ZNF337: variants seen among roughly 807,000 people sequenced by gnomAD.
ZNF337 encodes the protein zinc finger protein 337.
A neutral mutation model predicts 12.1 loss-of-function variants in ZNF337; 8 were observed. The observed-to-expected ratio is 0.66, with a 90% CI of 0.39 to 1.19. The LOEUF is 1.19. ZNF337 is among the 50% of genes most tolerant of loss of function. The probability of loss-of-function intolerance (pLI) is 0.01; values close to 1 mark genes in which losing one functional copy is unlikely to be tolerated. For synonymous variants in ZNF337, 336 were observed against 320.0 expected (o/e 1.05, Z -0.53); for missense variants, 882 against 896.6 (o/e 0.98, Z 0.21).
chr20:25,676,318 C>G lies in ZNF337; in HGVS notation c.970G>C (p.Glu324Gln), dbSNP rs148965153. 6.1e-5 allele frequency: 98 copies of G among 1,614,106 alleles called. No individual in the cohort carries two copies. Among genetic ancestry groups the G allele is most frequent in the South Asian group, 2.4e-4 (22 of 91,082 alleles). Residue 324 changes from glutamate (E) to glutamine (Q), a missense_variant, in exon 5 of 5, where the codon GAG becomes CAG. Glu to Gln is a conservative substitution (Grantham distance 29). Coordinates refer to ENST00000252979, the MANE Select transcript of ZNF337 (RefSeq NM_015655.4). ...TTATTAGTATAGCCTCGCCCACACT[C>G]CTTGCACACAAAAGGCTTCTCCCCT... ...HSGEKPFVCK[E>Q]CGRGYTNKSY...
chr20:25,693,608 C>T (rs1244887365), intron 1 of ZNF337, among the ~76,000 whole-genome samples: 2 of 152,164 alleles, frequency 1.3e-5, no homozygotes, highest in Non-Finnish European at 2.9e-5. Flanking sequence ...AATGTAGGGA[C>T]AATGATGGAA....
At position 25,675,695 on chromosome 20, in the gene ZNF337, G is replaced by A. The variant is rs568859648; in HGVS notation, c.1593C>T (p.Leu531=). 29 of 1,613,752 alleles carry A rather than the reference G, an allele frequency of 1.8e-5. No individual in the cohort carries two copies. In the African/African-American group the frequency reaches 2.9e-4, roughly 16 times the overall value. Residue 531 remains leucine, a synonymous_variant, in exon 5 of 5, where the codon CTC becomes CTT. Transcript: ENST00000252979. ...CTGAGTGTGTCCTCTGATGTATGGT[G>A]AGATTTGGCTTCAAGGTAAAGCCTC... ...CGRGFTLKPN[L]TIHQRTHSGE... is the part of the protein sequence containing the mutation.
At chr20:25,683,128 G>A (rs768126928) in intron 4 of ZNF337, among the ~76,000 whole-genome samples, 3 of 152,088 alleles carry the variant, frequency 2.0e-5, no homozygotes, top group Non-Finnish European at 4.4e-5. Context: ...TGAGGAGTGA[G>A]GAAAGCCAGT....
At chr20:25,695,260 G>C (rs2065911483) in intron 1 of ZNF337, among the ~76,000 whole-genome samples, 1 of 151,974 alleles carries the variant, frequency 6.6e-6, no homozygotes, top group Non-Finnish European at 1.5e-5. Context: ...GACAGAGCAA[G>C]ACTCTCTCTA....
intron 1 of ZNF337, among the ~76,000 whole-genome samples, chr20:25,696,030 G>A (rs1190450433): frequency 6.7e-6 from 1 of 149,654 alleles, no homozygotes; most frequent in Admixed American, 6.7e-5. Context: ...CCCCAGGGAA[G>A]AGGCCACCTG....
intron 4 of ZNF337, chr20:25,677,268 G>A: frequency 2.3e-6 from 1 of 439,760 alleles, no homozygotes; most frequent in East Asian, 3.5e-5. Context: ...CAAGGACACA[G>A]CAAAAACAGA....
Position 25,675,249 on chromosome 20 carries a change from G to C in ZNF337, c.2039C>G (p.Ser680Ter). ...CTGGCAAACAAAAGGCTTCTCCTTT[G>C]AGTGTATCCGCCAGTGGTGTCTGGT... is the stretch of plus-strand genomic sequence containing the variant. The part of the protein sequence containing the change: ...SLTRHHWRIH[S>*]KEKPFVCQEC... The change falls in exon 5 of 5, where the codon TCA (serine) becomes TGA (stop). Residue 680 changes from serine to a stop codon, truncating the protein, a stop_gained. Coordinates refer to ENST00000252979, the MANE Select transcript of ZNF337 (RefSeq NM_015655.4). LOFTEE classifies it low-confidence loss of function (END_TRUNC). 6.2e-7 allele frequency: 1 copy of C among 1,614,172 alleles called. No individual in the cohort carries two copies. Among genetic ancestry groups the C allele is most frequent in the South Asian group, 1.1e-5 (1 of 91,082 alleles).
intron 1 of ZNF337, among the ~76,000 whole-genome samples, chr20:25,691,211 G>C (rs2065880044): frequency 6.6e-6 from 1 of 152,166 alleles, no homozygotes; most frequent in Non-Finnish European, 1.5e-5. Flanking sequence ...CGGCAGATGA[G>C]CAGGCAGAAG....
At chr20:25,689,577 T>C (rs2065867482) in intron 1 of ZNF337, among the ~76,000 whole-genome samples, 1 of 152,242 alleles carries the variant, frequency 6.6e-6, no homozygotes, top group South Asian at 2.1e-4. Flanking sequence ...AAACTCATTA[T>C]ACAGTTAAAA....
At chr20:25,681,498 C>A (rs1477853741) in intron 4 of ZNF337, among the ~76,000 whole-genome samples, 1 of 151,598 alleles carries the variant, frequency 6.6e-6, no homozygotes, top group African/African-American at 2.4e-5. Flanking sequence ...ACAAAGTCAA[C>A]AACAATAACC....
At chr20:25,685,702 G>T (rs1267970789) in intron 3 of ZNF337, 40 bp from the exon 4 acceptor site, 14 of 1,565,176 alleles carry the variant, frequency 8.9e-6, no homozygotes, top group Non-Finnish European at 1.2e-5. Context: ...ACTCCTGGTT[G>T]TAGGCTCCAC....
intron 1 of ZNF337, among the ~76,000 whole-genome samples, chr20:25,688,722 T>C (rs530446296): frequency 6.6e-6 from 1 of 152,318 alleles, no homozygotes; most frequent in South Asian, 2.1e-4. Flanking sequence ...AATAAAAACG[T>C]TGGAACCCAA....
chr20:25,676,587 T>C lies in ZNF337; in HGVS notation c.701A>G (p.Lys234Arg). Residue 234 changes from lysine to arginine, a missense_variant, in exon 5 of 5, where the codon AAG becomes AGG. Transcript: ENST00000252979. The stretch of plus-strand genomic sequence containing the variant: ...CCCACACACACTGCACACATAGGAC[T>C]TCTCTCCTGTGTGTGTGTTCTGGTG... ...LLHQNTHTGE[K>R]SYVCSVCGRG... is the part of the protein sequence containing the mutation. 6.2e-7 allele frequency: 1 copy of C among 1,614,164 alleles called. No homozygotes were observed. Among genetic ancestry groups the C allele is most frequent in the Non-Finnish European group, 8.5e-7 (1 of 1,179,992 alleles).
Position 25,674,929 on chromosome 20 carries a change from CTG to C in ZNF337, c.*101_*102del, listed in dbSNP as rs1240876252. On this transcript the variant is annotated 3_prime_UTR_variant, in exon 5 of 5. Coordinates refer to ENST00000252979, the MANE Select transcript of ZNF337 (RefSeq NM_015655.4). ...GTAGCCCTCTGGATTCTGTCTGCCT[CTG>C]TTATATCTTCACGAACAAGTTATGC... is the stretch of plus-strand genomic sequence containing the variant. 2 of 1,064,586 alleles carry C rather than the reference CTG, an allele frequency of 1.9e-6. No homozygotes were observed. Among genetic ancestry groups the C allele is most frequent in the African/African-American group, 1.6e-5 (1 of 63,298 alleles). The allele number at this position is 1,064,586 out of a possible 1,614,324, so 65.9% of individuals were successfully genotyped here. A position where few individuals can be genotyped will look rare whatever the true frequency, so the allele number is the denominator to read the frequency against.
At chr20:25,678,018 A>G (rs1269994080) in intron 4 of ZNF337, 1 of 152,192 alleles carries the variant, frequency 6.6e-6, no homozygotes, top group Non-Finnish European at 1.5e-5. Context: ...TCTTATTACC[A>G]TAGTTCAGGG....
At position 25,694,089 on chromosome 20, in the gene ZNF337, C is replaced by T. The variant is rs560202356; in HGVS notation, c.-50+2670G>A. Among the ~76,000 whole-genome samples the T allele has an allele frequency of 1.4e-4, 21 of 152,280 alleles. No homozygotes were observed. The Middle Eastern group carries it at 0.014, about 99-fold the overall frequency. ...TAACACTAAACACAGCATATCCTGT[C>T]GGTGCTTCCAGAATAAGGAAGTGTT... On this transcript the variant is annotated intron_variant, in intron 1 of 4. Transcript: ENST00000252979.
chr20:25,676,378 T>TA lies in ZNF337; in HGVS notation c.909dup (p.Lys304Ter). 6.2e-7 allele frequency: 1 copy of TA among 1,613,762 alleles called. No individual in the cohort carries two copies. Among genetic ancestry groups the TA allele is most frequent in the South Asian group, 1.1e-5 (1 of 91,070 alleles). On this transcript the variant is annotated frameshift_variant, in exon 5 of 5. Coordinates refer to ENST00000252979, the MANE Select transcript of ZNF337 (RefSeq NM_015655.4). LOFTEE classifies it low-confidence loss of function (END_TRUNC). ...TTCAAGTGCTTGTTGTATGAGGACT[T>TA]ATCGTTAAACCTTCGCCCACACTCC...
rs890435937 is a variant in ZNF337 at position 25,673,728 on chromosome 20, G to A, written c.*1304C>T. On this transcript the variant is annotated 3_prime_UTR_variant, in exon 5 of 5. Coordinates refer to ENST00000252979, the MANE Select transcript of ZNF337 (RefSeq NM_015655.4). ...TAAAGGCCTTGTAAGCACTCACCAG[G>A]GAGTCCTGGTTTACTTAACCATTAA... 1 of 152,174 alleles carries A rather than the reference G, an allele frequency of 6.6e-6. No individual in the cohort carries two copies. The highest frequency in any genetic ancestry group is 2.4e-5 in the African/African-American group (1 of 41,440). The allele number at this position is 152,174 out of a possible 1,614,324, so 9.4% of individuals were successfully genotyped here.
chr20:25,679,009 TCC>T (rs1212212183), intron 4 of ZNF337, among the ~76,000 whole-genome samples: 1 of 151,794 alleles, frequency 6.6e-6, no homozygotes, highest in East Asian at 1.9e-4. Flanking sequence ...TACAAATAAA[TCC>T]ATATATTTAT....
Sources: allele counts gnomAD v4.1 joint callset (sites outside exome capture counted in the v4.1 genomes callset), GRCh38; gene constraint gnomAD v4.1.1; transcripts MANE v1.5; gene names NCBI Gene and HGNC (gene_info 2026-07-23, HGNC 2026-07-21).